The following PLXNA2 variants were observed in gnomAD, a reference collection of about 807,000 sequenced individuals.
PLXNA2 encodes plexin-A2.
In PLXNA2, 91 loss-of-function variants were observed where a neutral mutation model predicts 193.5. The observed-to-expected ratio is 0.47, with a 90% CI of 0.40 to 0.56. The LOEUF (loss-of-function observed/expected upper bound fraction) is 0.56, where lower values mean the gene tolerates loss of function less well. PLXNA2 is among the 20% of genes least tolerant of loss of function. The pLI is 0.00. For missense variants in PLXNA2, 1,995 were observed against 2,503.2 expected (o/e 0.80, Z 4.33); for synonymous variants, 997 against 1,027.3 (o/e 0.97, Z 0.56).
chr1:208,217,160 A>G lies in PLXNA2; in HGVS notation c.763T>C (p.Phe255Leu). Reference protein sequence around the residue: ...YGFASGGFVYFLTVQPETPEG... With the variant: ...YGFASGGFVYLLTVQPETPEG... ...GGGGTCTCGGGCTGGACAGTGAGAA[A>G]GTAGACAAAGCCCCCACTAGCAAAG... Residue 255 changes from phenylalanine to leucine, a missense_variant, in exon 2 of 32, where the codon TTT (phenylalanine) becomes CTT (leucine). By Grantham distance (22) the Phe-to-Leu change is conservative (BLOSUM62 0). This residue lies in a region of PLXNA2 where 702 missense variants were observed against 812.9 expected (regional missense o/e 0.86). Transcript: ENST00000367033. The surrounding 1 kb of genome is among the most constrained non-coding windows in gnomAD (Gnocchi z 4.7). 3 of 1,614,202 alleles carry G rather than the reference A, an allele frequency of 1.9e-6. No individual in the cohort carries two copies.
intron 4 of PLXNA2, among the ~76,000 whole-genome samples, chr1:208,113,871 T>G (rs932143299): frequency 6.6e-6 from 1 of 152,254 alleles, no homozygotes; most frequent in East Asian, 1.9e-4. Flanking sequence ...TGGCCTTTTT[T>G]AATGTAAAGT....
At chr1:208,029,354 C>T (rs1326728645) in intron 29 of PLXNA2, 30 of 1,175,920 alleles carry the variant, frequency 2.6e-5, no homozygotes, top group Non-Finnish European at 2.9e-5. Flanking sequence ...TAGGCAAGCC[C>T]AAGAACAGAG....
At chr1:208,109,274 T>C (rs1667385134) in intron 4 of PLXNA2, among the ~76,000 whole-genome samples, 1 of 151,886 alleles carries the variant, frequency 6.6e-6, no homozygotes, top group Non-Finnish European at 1.5e-5. Context: ...GCCTCTCTCC[T>C]TTCCTTTTTA....
At chr1:208,142,589 TGAA>T (rs781270511) in intron 3 of PLXNA2, 126 bp from the exon 4 acceptor site, 129 of 886,272 alleles carry the variant, frequency 1.5e-4, no homozygotes, top group Non-Finnish European at 1.9e-4. Context: ...CTCCATAGAC[TGAA>T]GTGCCACTTC....
At chr1:208,193,048 C>T (rs544712991) in intron 3 of PLXNA2, among the ~76,000 whole-genome samples, 11 of 152,084 alleles carry the variant, frequency 7.2e-5, no homozygotes, top group Non-Finnish European at 1.0e-4. Flanking sequence ...AGATCACAGA[C>T]CCCCTGAATC....
chr1:208,046,621 T>C (rs1466286742), intron 17 of PLXNA2, among the ~76,000 whole-genome samples: 1 of 147,430 alleles, frequency 6.8e-6, no homozygotes, highest in Non-Finnish European at 1.5e-5. Flanking sequence ...GAGTGACTCA[T>C]GGAAGTTTTC....
intron 4 of PLXNA2, among the ~76,000 whole-genome samples, chr1:208,125,466 A>C (rs576582869): frequency 6.6e-6 from 1 of 152,330 alleles, no homozygotes; most frequent in African/African-American, 2.4e-5. Flanking sequence ...CATCCTTGGC[A>C]AACAAATAAG....
intron 3 of PLXNA2, among the ~76,000 whole-genome samples, chr1:208,170,913 G>A (rs1331007092): frequency 2.0e-5 from 3 of 152,178 alleles, no homozygotes; most frequent in Non-Finnish European, 2.9e-5. Context: ...GCAAGACAGA[G>A]GAAGAAAAAT....
rs770760535 is a variant in PLXNA2 at position 208,031,632 on chromosome 1, C to T, written c.5183G>A (p.Ser1728Asn). ...DFLDEQADRH[S>N]IHDTDVRHTW... ...GTGCCGCACATCTGTGTCATGGATG[C>T]TGTGCCTGTCTGCCTGCTCATCTAG... is the stretch of plus-strand genomic sequence containing the variant. Residue 1728 changes from serine (S) to asparagine (N), a missense_variant, in exon 29 of 32, where the codon AGC becomes AAC. Transcript: ENST00000367033. 13 of 1,613,874 alleles carry T rather than the reference C, an allele frequency of 8.1e-6. No individual in the cohort carries two copies. The highest frequency in any genetic ancestry group is 1.0e-5 in the Non-Finnish European group (12 of 1,179,986).
chr1:208,073,589 T>A (rs1312714051), intron 12 of PLXNA2, among the ~76,000 whole-genome samples: 1 of 152,244 alleles, frequency 6.6e-6, no homozygotes, highest in South Asian at 2.1e-4. Flanking sequence ...CTCCCCCCTC[T>A]GATCAGAATG....
chr1:208,044,047 C>T lies in PLXNA2; in HGVS notation c.3874+461G>A, dbSNP rs1664969036. ...GGCGGCCTTCAGAGCGCTCAGCCTG[C>T]AGCACTGATGGAAAACAAACCCTGG... On this transcript the variant is annotated intron_variant, in intron 20 of 31. Transcript: ENST00000367033. This position sits in a 1 kb window ranked among gnomAD's most constrained non-coding sequence, Gnocchi z 4.9. Among the ~76,000 whole-genome samples, 1 of 152,214 alleles carries T rather than the reference C, an allele frequency of 6.6e-6. No homozygotes were observed. Among genetic ancestry groups the T allele is most frequent in the Non-Finnish European group, 1.5e-5 (1 of 68,036 alleles).
intron 28 of PLXNA2, among the ~76,000 whole-genome samples, chr1:208,032,336 T>C (rs1161115764): frequency 6.6e-6 from 1 of 152,184 alleles, no homozygotes. Context: ...GGAATAAGAC[T>C]GGGCCTGGCT....
chr1:208,055,901 C>A (rs1184530563), intron 13 of PLXNA2, among the ~76,000 whole-genome samples: 1 of 152,218 alleles, frequency 6.6e-6, no homozygotes, highest in Admixed American at 6.5e-5. Context: ...TACGTTTTAG[C>A]ATATTAGATT....
chr1:208,208,885 A>C (rs1283378933), intron 3 of PLXNA2, among the ~76,000 whole-genome samples: 1 of 152,190 alleles, frequency 6.6e-6, no homozygotes, highest in East Asian at 1.9e-4. Flanking sequence ...GCTCAACTGG[A>C]TATGGTGACC....
chr1:208,198,219 T>C (rs1041293903), intron 3 of PLXNA2, among the ~76,000 whole-genome samples: 1 of 152,206 alleles, frequency 6.6e-6, no homozygotes, highest in Non-Finnish European at 1.5e-5. Flanking sequence ...TGTTAACTAT[T>C]GCCTTAATGT....
intron 31 of PLXNA2, 94 bp downstream of exon 31, chr1:208,027,915 A>G: frequency 1.6e-6 from 2 of 1,221,876 alleles, no homozygotes; most frequent in Non-Finnish European, 2.2e-6. Context: ...TGACTCCCTG[A>G]ATGTGTTTTC....
chr1:208,133,207 G>GA (rs1668211776), intron 4 of PLXNA2, among the ~76,000 whole-genome samples: 1 of 152,154 alleles, frequency 6.6e-6, no homozygotes, highest in African/African-American at 2.4e-5. Context: ...GTCCCTTCCT[G>GA]GTGGTATGCG....
At chr1:208,053,858 GGTGTGACT>G (rs1665342527) in intron 14 of PLXNA2, among the ~76,000 whole-genome samples, 1 of 152,198 alleles carries the variant, frequency 6.6e-6, no homozygotes, top group Non-Finnish European at 1.5e-5. Flanking sequence ...GATGTTTTCA[GGTGTGACT>G]GTGTGAATGT....
In PLXNA2 at chr1:208,027,087, T is replaced by TGG. The variant is rs1340388923; in HGVS notation, c.*154_*155dup. The TGG allele has an allele frequency of 1.6e-6, 1 of 637,950 alleles. No homozygotes were observed. Among genetic ancestry groups the TGG allele is most frequent in the East Asian group, 2.9e-5 (1 of 35,060 alleles). The allele number at this position is 637,950 out of a possible 1,614,324, so 39.5% of individuals were successfully genotyped here. ...GGAACTGGCTATGACGAAACTTGGC[T>TGG]GGCGTAGGGAGAGGAGTCCTCCCCT... On this transcript the variant is annotated 3_prime_UTR_variant, in exon 32 of 32. Coordinates refer to ENST00000367033, the MANE Select transcript of PLXNA2 (RefSeq NM_025179.4).
Sources: allele counts gnomAD v4.1 joint callset (sites outside exome capture counted in the v4.1 genomes callset), GRCh38; gene constraint gnomAD v4.1.1; regional missense constraint gnomAD v4.1.1; non-coding constraint Gnocchi (gnomAD v3.1); transcripts MANE v1.5; gene names NCBI Gene and HGNC (gene_info 2026-07-23, HGNC 2026-07-21).